The following CEP63 variants were observed in gnomAD, a reference collection of about 807,000 sequenced individuals.
CEP63 encodes the protein centrosomal protein of 63 kDa.
A neutral mutation model predicts 89.1 loss-of-function variants in CEP63; 84 were observed. The ratio of observed to expected loss-of-function variants is 0.94; its 90% CI spans 0.79 to 1.13. The LOEUF (loss-of-function observed/expected upper bound fraction) is 1.13, where lower values mean the gene tolerates loss of function less well. CEP63 is among the 50% of genes most tolerant of loss of function. The pLI is 0.00. For missense variants in CEP63, 838 were observed against 813.3 expected, an observed-to-expected ratio of 1.03 and a Z score of -0.37; for synonymous variants, 267 against 272.5, an observed-to-expected ratio of 0.98 and a Z score of 0.20.
chr3:134,642,410 G>A, the CEP63 span, among the ~76,000 whole-genome samples: 2 of 152,140 alleles, frequency 1.3e-5, no homozygotes, highest in Non-Finnish European at 2.9e-5. Flanking sequence ...CAGACACCAG[G>A]GCCCAGTATT....
At chr3:134,642,509 TGTC>T in the CEP63 span, among the ~76,000 whole-genome samples, 1 of 140,104 alleles carries the variant, frequency 7.1e-6, no homozygotes, top group Admixed American at 7.6e-5. Context: ...GTCTCTATCT[TGTC>T]GTGTGCTCAG....
chr3:134,733,266 T>C, the CEP63 span, among the ~76,000 whole-genome samples: 1 of 152,028 alleles, frequency 6.6e-6, no homozygotes, highest in African/African-American at 2.4e-5. Context: ...GAACAATCCA[T>C]GCAGAATTGT....
At chr3:134,701,240 A>C in the CEP63 span, among the ~76,000 whole-genome samples, 1 of 136,462 alleles carries the variant, frequency 7.3e-6, no homozygotes, top group African/African-American at 2.9e-5. Flanking sequence ...GTATATATAC[A>C]CACATATATA....
the CEP63 span, among the ~76,000 whole-genome samples, chr3:134,733,162 A>G: frequency 6.6e-6 from 1 of 152,144 alleles, no homozygotes; most frequent in African/African-American, 2.4e-5. Flanking sequence ...ACAAGACACC[A>G]TCTCTATATT....
chr3:134,707,302 G>A, the CEP63 span, among the ~76,000 whole-genome samples: 1 of 152,062 alleles, frequency 6.6e-6, no homozygotes, highest in Admixed American at 6.6e-5. Context: ...TTTTTTTCAG[G>A]AGCTCAGAGG....
intron 3 of CEP63, among the ~76,000 whole-genome samples, chr3:134,525,004 C>G (rs945698952): frequency 6.6e-6 from 1 of 152,170 alleles, no homozygotes; most frequent in African/African-American, 2.4e-5. Flanking sequence ...GTGAATCCAT[C>G]TGACCCTGGG....
chr3:134,608,998 A>AGGAG, the CEP63 span, among the ~76,000 whole-genome samples: 10 of 152,202 alleles, frequency 6.6e-5, no homozygotes, highest in Non-Finnish European at 1.2e-4. Flanking sequence ...GGATGCTTCC[A>AGGAG]GAAATTGTAG....
downstream of CEP63, among the ~76,000 whole-genome samples, chr3:134,589,655 T>TA (rs1255836868): frequency 6.6e-6 from 1 of 150,842 alleles, no homozygotes; most frequent in East Asian, 1.9e-4. Context: ...GGTGGGAATA[T>TA]AAATTATTTC....
chr3:134,608,269 T>A, the CEP63 span: 7 of 1,202,138 alleles, frequency 5.8e-6, no homozygotes, highest in Non-Finnish European at 7.4e-6. Flanking sequence ...GTAGTCCTTT[T>A]CCCTGCTATG....
the CEP63 span, chr3:134,608,811 G>A: frequency 6.2e-7 from 1 of 1,612,900 alleles, no homozygotes; most frequent in Non-Finnish European, 8.5e-7. Context: ...AACAGTGCAG[G>A]GTGGGTGAGG....
the CEP63 span, among the ~76,000 whole-genome samples, chr3:134,775,547 C>G: frequency 6.6e-6 from 1 of 152,156 alleles, no homozygotes; most frequent in Non-Finnish European, 1.5e-5. Context: ...GCGGCCAATA[C>G]TCACAGCTGG....
At chr3:134,627,884 C>G in the CEP63 span, 1 of 1,283,114 alleles carries the variant, frequency 7.8e-7, no homozygotes, top group South Asian at 1.2e-5. Flanking sequence ...GCACTGATGA[C>G]TCACCTTCTG....
At chr3:134,760,303 C>A in the CEP63 span, among the ~76,000 whole-genome samples, 1 of 152,140 alleles carries the variant, frequency 6.6e-6, no homozygotes, top group South Asian at 2.1e-4. Context: ...TCGTGATCCG[C>A]CCGCCTCGGC....
At chr3:134,658,739 A>G in the CEP63 span, among the ~76,000 whole-genome samples, 3 of 152,212 alleles carry the variant, frequency 2.0e-5, no homozygotes, top group Non-Finnish European at 4.4e-5. Flanking sequence ...TGAAGGCACC[A>G]TCCTCCACAT....
chr3:134,606,330 C>G, the CEP63 span, among the ~76,000 whole-genome samples: 3 of 152,156 alleles, frequency 2.0e-5, no homozygotes, highest in Non-Finnish European at 4.4e-5. Flanking sequence ...GCTGGAGACC[C>G]GTGGAGAAGC....
chr3:134,737,506 G>T, the CEP63 span, among the ~76,000 whole-genome samples: 24 of 152,254 alleles, frequency 1.6e-4, no homozygotes, highest in Non-Finnish European at 3.5e-4. Context: ...AAAGAGCAAA[G>T]CAAGTGGTCA....
the CEP63 span, among the ~76,000 whole-genome samples, chr3:134,649,249 C>T: frequency 2.0e-5 from 3 of 152,192 alleles, no homozygotes; most frequent in Non-Finnish European, 4.4e-5. Flanking sequence ...GTCATAGTCA[C>T]TAGTGTGCAT....
chr3:134,588,349 A>G (rs1958528869), downstream of CEP63, among the ~76,000 whole-genome samples: 1 of 152,216 alleles, frequency 6.6e-6, no homozygotes, highest in African/African-American at 2.4e-5. Flanking sequence ...TGAGACACAA[A>G]TGCTCAACAA....
At chr3:134,773,841 A>G in the CEP63 span, among the ~76,000 whole-genome samples, 1 of 152,156 alleles carries the variant, frequency 6.6e-6, no homozygotes, top group Non-Finnish European at 1.5e-5. Flanking sequence ...TTTCTTCTAC[A>G]TAGCCTTACT....
Sources: gnomAD v4.1 joint callset for allele counts (sites outside exome capture counted in the v4.1 genomes callset) on GRCh38, gnomAD v4.1.1 for gene constraint, MANE v1.5 for transcripts, NCBI Gene and HGNC (gene_info 2026-07-23, HGNC 2026-07-21) for gene names.